HEATR4: variants seen among roughly 807,000 people sequenced by gnomAD.
The protein encoded by HEATR4 is HEAT repeat-containing protein 4.
Under a neutral mutation model 108.8 loss-of-function variants are expected in HEATR4, and 95 were observed. The observed-to-expected ratio is 0.87, with a 90% confidence interval of 0.74 to 1.04. HEATR4 has a LOEUF of 1.04. Ranked by LOEUF, HEATR4 falls within the 50% of genes least tolerant of loss-of-function variation. HEATR4 has a pLI of 0.00. For missense variants in HEATR4, 1,152 were observed against 1,253.8 expected (o/e 0.92, Z 1.23); for synonymous variants, 443 against 459.4 (o/e 0.96, Z 0.46).
chr14:73,573,536 G>A, the HEATR4 span: 47 of 1,613,478 alleles, frequency 2.9e-5, no homozygotes, highest in East Asian at 4.5e-5. Context: ...CCATGGAGAC[G>A]CTCCATCTGG....
chr14:73,569,790 C>T, the HEATR4 span: 1 of 1,604,764 alleles, frequency 6.2e-7, no homozygotes, highest in South Asian at 1.1e-5. Context: ...GCTGCTGTGC[C>T]AGACGCGGCA....
chr14:73,592,560 A>G, the HEATR4 span: 2 of 1,073,856 alleles, frequency 1.9e-6, no homozygotes, highest in South Asian at 3.5e-5. Flanking sequence ...CTACCAAAAT[A>G]GAGGGTTTGG....
chr14:73,570,899 A>C, the HEATR4 span, among the ~76,000 whole-genome samples: 1 of 76,096 alleles, frequency 1.3e-5, no homozygotes, highest in African/African-American at 5.5e-5. Context: ...GAGTGACTCT[A>C]TCTTAAAAAA....
At chr14:73,626,789 C>CT in the HEATR4 span, among the ~76,000 whole-genome samples, 3,385 of 82,324 alleles carry the variant, frequency 0.041, 561 homozygotes, top group African/African-American at 0.13. Context: ...GACAAACAGC[C>CT]TTTTTTTTTT....
At chr14:73,617,166 G>T in the HEATR4 span, 1 of 1,614,174 alleles carries the variant, frequency 6.2e-7, no homozygotes, top group Non-Finnish European at 8.5e-7. Flanking sequence ...TGAAGAAGCC[G>T]TGGACTTTAT....
chr14:73,513,632 C>CAGGAG (rs1887402355), intron 6 of HEATR4, among the ~76,000 whole-genome samples: 2 of 142,304 alleles, frequency 1.4e-5, no homozygotes, highest in African/African-American at 2.6e-5. Context: ...GAGGCTGAGG[C>CAGGAG]AGGAGAATTA....
At chr14:73,481,304 C>T (rs2333141) in intron 17 of HEATR4, among the ~76,000 whole-genome samples, 113,554 of 151,682 alleles carry the variant, frequency 0.75, 42,614 homozygotes, top group East Asian at 0.86. Flanking sequence ...CGGGGGGTGG[C>T]GGTGCACGCC....
intron 9 of HEATR4, among the ~76,000 whole-genome samples, chr14:73,506,804 G>GTTTTTTTTTTGTTTGT (rs1886866979): frequency 1.4e-4 from 11 of 80,492 alleles, no homozygotes; most frequent in South Asian, 7.8e-4. Flanking sequence ...GACTTTAACT[G>GTTTTTTTTTTGTTTGT]TTTTTTTTTT....
chr14:73,577,798 G>A, the HEATR4 span, among the ~76,000 whole-genome samples: 4 of 152,064 alleles, frequency 2.6e-5, no homozygotes, highest in Non-Finnish European at 5.9e-5. Context: ...AGGATTGCTT[G>A]AGCCCAGGAG....
rs59834256 is a variant in HEATR4, at chr14:73,525,953, TAAA to T, written c.-72-2732_-72-2730del. On this transcript the variant is annotated intron_variant, in intron 2 of 17. Coordinates refer to ENST00000553558, the MANE Select transcript of HEATR4 (RefSeq NM_001220484.1). ...GGGTGACAGAGTGAGACTCCTTATTTAAAAAAAAAAAAAAAGCATCTTCATAAG... is the reference window on the plus strand; with the variant it reads ...GGGTGACAGAGTGAGACTCCTTATTTAAAAAAAAAAAAGCATCTTCATAAG... 6.4e-3 allele frequency among the ~76,000 whole-genome samples: 927 copies of T among 144,456 alleles called. 19 individuals are homozygous for T. In the East Asian group the frequency reaches 0.092, roughly 14 times the overall value. 94.8% of individuals were successfully genotyped at this position (144,456 alleles called of 152,430 possible).
intron 2 of HEATR4, among the ~76,000 whole-genome samples, chr14:73,528,392 C>CAAAAAAAAAAAAAA (rs371875141): frequency 2.3e-5 from 2 of 88,516 alleles, no homozygotes; most frequent in Non-Finnish European, 4.1e-5. Flanking sequence ...AACTTCATCT[C>CAAAAAAAAAAAAAA]AAAAAAAAAA....
At chr14:73,588,694 G>A in the HEATR4 span, among the ~76,000 whole-genome samples, 1 of 152,160 alleles carries the variant, frequency 6.6e-6, no homozygotes, top group Admixed American at 6.5e-5. Flanking sequence ...AAGACAGAAA[G>A]AAGAGGTTCC....
intron 1 of HEATR4, chr14:73,539,548 T>G (rs1017651627): frequency 8.6e-6 from 1 of 116,254 alleles, no homozygotes; most frequent in African/African-American, 2.8e-5. Context: ...TGCAAGGCCC[T>G]CTGGGGTTGG....
intron 9 of HEATR4, among the ~76,000 whole-genome samples, chr14:73,507,200 G>C (rs982636723): frequency 5.3e-5 from 8 of 152,116 alleles, no homozygotes; most frequent in Non-Finnish European, 1.0e-4. Context: ...ACAAATATAG[G>C]CCTCTGCAGT....
At chr14:73,569,690 A>G in the HEATR4 span, 1 of 1,609,822 alleles carries the variant, frequency 6.2e-7, no homozygotes, top group South Asian at 1.1e-5. Flanking sequence ...AGCCCGAGAA[A>G]CCTTTGGTGC....
At chr14:73,607,125 C>T in the HEATR4 span, among the ~76,000 whole-genome samples, 1 of 152,236 alleles carries the variant, frequency 6.6e-6, no homozygotes, top group South Asian at 2.1e-4. Flanking sequence ...GCCTGGCCAA[C>T]ATGGTGAAAC....
rs1888794001 is a variant in HEATR4 at position 73,534,257 on chromosome 14, T to C, written c.-151-4013A>G. Reference sequence around the variant, plus strand: ...AGCTGGCCGTGGTGGCATGTGACTGTAATCCCAGCTACTCAAGAGGCTGAG... The same window carrying C: ...AGCTGGCCGTGGTGGCATGTGACTGCAATCCCAGCTACTCAAGAGGCTGAG... On this transcript the variant is annotated intron_variant, in intron 1 of 17. Coordinates refer to ENST00000553558, the MANE Select transcript of HEATR4 (RefSeq NM_001220484.1). Among the ~76,000 whole-genome samples, 4 of 110,140 alleles carry C rather than the reference T, an allele frequency of 3.6e-5. 2 individuals carry two copies. The South Asian group carries it at 1.2e-3, about 33-fold the overall frequency. The allele number at this position is 110,140 out of a possible 152,430, so 72.3% of individuals were successfully genotyped here.
rs533692256 is a variant in HEATR4, at chr14:73,517,058, A to G, written c.1210+1965T>C. The stretch of plus-strand genomic sequence containing the variant: ...TTGTTTGGGAGGCTAAGGTGGGAGG[A>G]CCCCTTGTGGCCAGGAGTTCGAGAC... On this transcript the variant is annotated intron_variant, in intron 5 of 17. Coordinates refer to ENST00000553558, the MANE Select transcript of HEATR4 (RefSeq NM_001220484.1). 4.6e-5 allele frequency among the ~76,000 whole-genome samples: 7 copies of G among 151,966 alleles called. No homozygotes were observed. In the South Asian group the frequency reaches 1.5e-3, roughly 32 times the overall value.
At chr14:73,592,142 C>T in the HEATR4 span, 16 of 1,590,866 alleles carry the variant, frequency 1.0e-5, no homozygotes, top group South Asian at 1.6e-4. Context: ...GCGAGCTGGA[C>T]CTGGAGCGCG....
Sources: gnomAD v4.1 joint callset for allele counts (sites outside exome capture counted in the v4.1 genomes callset) on GRCh38, gnomAD v4.1.1 for gene constraint, MANE v1.5 for transcripts, NCBI Gene and HGNC (gene_info 2026-07-23, HGNC 2026-07-21) for gene names.